INPP4B: variants seen among roughly 807,000 people sequenced by gnomAD.
INPP4B encodes the protein inositol polyphosphate-4-phosphatase type II B, also known as inositol polyphosphate 4-phosphatase type II.
In INPP4B, 55 loss-of-function variants were observed where a neutral mutation model predicts 122.5. That is an observed-to-expected ratio of 0.45 (90% CI 0.36 to 0.56). The LOEUF is 0.56. Among genes scored for constraint, INPP4B ranks in the 20% least tolerant of loss-of-function variants. The pLI is 0.00. For synonymous variants in INPP4B, 403 were observed against 388.7 expected (o/e 1.04, Z -0.43); for missense variants, 1,000 against 1,097.7 (o/e 0.91, Z 1.26).
intron 2 of INPP4B, among the ~76,000 whole-genome samples, chr4:142,484,218 A>G (rs776830006): frequency 3.5e-4 from 53 of 152,094 alleles, no homozygotes; most frequent in Non-Finnish European, 6.8e-4. Flanking sequence ...AAGATAACTT[A>G]CCAATTAATA....
intron 7 of INPP4B, among the ~76,000 whole-genome samples, chr4:142,349,345 G>A (rs1257365054): frequency 1.3e-5 from 2 of 152,000 alleles, no homozygotes; most frequent in African/African-American, 2.4e-5. Flanking sequence ...TAAAAGGGAT[G>A]CTTCATTTTT....
chr4:142,428,584 G>A (rs2149357036), intron 5 of INPP4B, among the ~76,000 whole-genome samples: 1 of 152,028 alleles, frequency 6.6e-6, no homozygotes, highest in South Asian at 2.1e-4. Context: ...GTTAAGTAGT[G>A]GACTGGTCTC....
intron 3 of INPP4B, among the ~76,000 whole-genome samples, chr4:142,435,023 G>C (rs1265262598): frequency 6.6e-6 from 1 of 152,184 alleles, no homozygotes; most frequent in Non-Finnish European, 1.5e-5. Flanking sequence ...AGCCAGATGG[G>C]GGAGCAGTGA....
At chr4:142,246,127 T>C (rs1422858858) in intron 11 of INPP4B, among the ~76,000 whole-genome samples, 4 of 149,610 alleles carry the variant, frequency 2.7e-5, no homozygotes, top group Non-Finnish European at 4.4e-5. Context: ...TGTGTATGTA[T>C]ACACACACAT....
At chr4:142,367,627 T>C (rs1788047613) in intron 7 of INPP4B, among the ~76,000 whole-genome samples, 1 of 152,060 alleles carries the variant, frequency 6.6e-6, no homozygotes, top group Admixed American at 6.6e-5. Context: ...CTAGATCTGA[T>C]AGTCACGAAG....
At position 142,042,764 on chromosome 4, in the gene INPP4B, T is replaced by C. The variant is rs193033829; in HGVS notation, c.2643-13850A>G. ...TTTTAGTAGAGATGAGGTTTTACCA[T>C]GTTGGTCAAGCTGGTCTTAAACTCC... On this transcript the variant is annotated intron_variant, in intron 25 of 25. Transcript: ENST00000262992. 1.4e-4 allele frequency among the ~76,000 whole-genome samples: 22 copies of C among 152,202 alleles called. No homozygotes were observed. The East Asian group carries it at 4.3e-3, about 30-fold the overall frequency.
At chr4:142,117,457 A>G (rs1157008099) in intron 21 of INPP4B, among the ~76,000 whole-genome samples, 1 of 152,202 alleles carries the variant, frequency 6.6e-6, no homozygotes, top group Non-Finnish European at 1.5e-5. Flanking sequence ...CAATAAGCTT[A>G]TCCACCATGA....
chr4:142,173,524 T>C (rs1219905997), intron 16 of INPP4B, 108 bp downstream of exon 16: 2 of 897,982 alleles, frequency 2.2e-6, no homozygotes, highest in Non-Finnish European at 3.4e-6. Flanking sequence ...TTTAACCTAC[T>C]CTATTTTACA....
At chr4:142,034,108 A>C (rs532167928) in intron 25 of INPP4B, among the ~76,000 whole-genome samples, 40 of 152,246 alleles carry the variant, frequency 2.6e-4, no homozygotes, top group Non-Finnish European at 5.1e-4. Flanking sequence ...TGAGACTGAG[A>C]GACCCTGCTT....
chr4:142,789,889 T>G (rs115949376), intron 1 of INPP4B, among the ~76,000 whole-genome samples: 5 of 151,976 alleles, frequency 3.3e-5, no homozygotes, highest in Non-Finnish European at 7.4e-5. Context: ...AAAAAAGGCA[T>G]GTAGACCAAT....
rs1191040230 is a variant in INPP4B at position 142,108,141 on chromosome 4, G to A, written c.2326C>T (p.Leu776Phe). 6.2e-7 allele frequency: 1 copy of A among 1,600,890 alleles called. No individual in the cohort carries two copies. Among genetic ancestry groups the A allele is most frequent in the Non-Finnish European group, 8.6e-7 (1 of 1,169,100 alleles). The change falls in exon 23 of 26, where the codon CTT becomes TTT. Residue 776 changes from leucine to phenylalanine, a missense_variant. Physicochemically the swap from Leu to Phe is conservative, Grantham distance 22. Coordinates refer to ENST00000262992, the MANE Select transcript of INPP4B (RefSeq NM_001101669.3). The stretch of plus-strand genomic sequence containing the variant: ...AATATCTTGTAATATTCTTGTAGAA[G>A]TTCGAAGTTTTCCTGATTAATACTT... ...QESINQENFE[L>F]LQEYYKIFME...
chr4:142,159,418 A>G (rs1818911405), intron 17 of INPP4B, among the ~76,000 whole-genome samples: 1 of 152,042 alleles, frequency 6.6e-6, no homozygotes, highest in African/African-American at 2.4e-5. Context: ...TTTGTGATAG[A>G]AATTTTACCA....
At chr4:142,623,713 C>A (rs926017239) in intron 2 of INPP4B, among the ~76,000 whole-genome samples, 1 of 147,582 alleles carries the variant, frequency 6.8e-6, no homozygotes, top group African/African-American at 2.5e-5. Context: ...TGCTATCCCT[C>A]CCCCCTCACC....
intron 2 of INPP4B, chr4:142,514,382 C>A (rs1331507001): frequency 6.6e-6 from 1 of 152,196 alleles, no homozygotes; most frequent in African/African-American, 2.4e-5. Flanking sequence ...CCTCCCTAAA[C>A]TTCCAACCAA....
At chr4:142,066,112 C>T (rs892092586) in intron 25 of INPP4B, among the ~76,000 whole-genome samples, 1 of 152,144 alleles carries the variant, frequency 6.6e-6, no homozygotes, top group Non-Finnish European at 1.5e-5. Flanking sequence ...CTTATTTCAA[C>T]CCCAAATAAT....
rs1285235127 is a variant in INPP4B at position 142,276,321 on chromosome 4, G to T, written c.504-5547C>A. The stretch of plus-strand genomic sequence containing the variant: ...TTAGACATTGCCCAGTACTTAAAGG[G>T]GCTTAACTACATAGCCTGTCTTTCA... On this transcript the variant is annotated intron_variant, in intron 9 of 25. Coordinates refer to ENST00000262992, the MANE Select transcript of INPP4B (RefSeq NM_001101669.3). Among the ~76,000 whole-genome samples, 3 of 151,538 alleles carry T rather than the reference G, an allele frequency of 2.0e-5. No individual in the cohort carries two copies. In the East Asian group the frequency reaches 5.8e-4, roughly 29 times the overall value.
chr4:142,760,405 A>G (rs2150971673), intron 1 of INPP4B, among the ~76,000 whole-genome samples: 1 of 152,306 alleles, frequency 6.6e-6, no homozygotes, highest in African/African-American at 2.4e-5. Context: ...GATATAAATT[A>G]TCGTAAAAGG....
chr4:142,073,558 T>C (rs1441988927), intron 25 of INPP4B, among the ~76,000 whole-genome samples: 1 of 152,084 alleles, frequency 6.6e-6, no homozygotes, highest in Non-Finnish European at 1.5e-5. Context: ...AGTGTTCTGA[T>C]GGAAGACAAG....
intron 7 of INPP4B, among the ~76,000 whole-genome samples, chr4:142,379,053 C>T (rs1793072171): frequency 6.6e-6 from 1 of 152,130 alleles, no homozygotes; most frequent in Admixed American, 6.6e-5. Context: ...GAAGCTGCTT[C>T]CTCATATTCC....
Sources: gnomAD v4.1 joint callset for allele counts (sites outside exome capture counted in the v4.1 genomes callset) on GRCh38, gnomAD v4.1.1 for gene constraint, MANE v1.5 for transcripts, NCBI Gene and HGNC (gene_info 2026-07-23, HGNC 2026-07-21) for gene names.